SDK1: variants seen among roughly 807,000 people sequenced by gnomAD.
SDK1 encodes protein sidekick-1.
Under a neutral mutation model 245.5 loss-of-function variants are expected in SDK1, and 157 were observed. The ratio of observed to expected loss-of-function variants is 0.64; its 90% CI spans 0.56 to 0.73. The LOEUF (loss-of-function observed/expected upper bound fraction) is 0.73. Among genes scored for constraint, SDK1 ranks in the 30% least tolerant of loss-of-function variants. The pLI, the probability that SDK1 is intolerant of heterozygous loss-of-function variation, is 0.00. For missense variants in SDK1, 3,583 were observed against 3,002.3 expected, an observed-to-expected ratio of 1.19 and a Z score of -4.52; for synonymous variants, 1,647 against 1,278.5, an observed-to-expected ratio of 1.29 and a Z score of -6.15.
chr7:3,918,921 T>C (rs1329039810), intron 5 of SDK1, among the ~76,000 whole-genome samples: 2 of 152,256 alleles, frequency 1.3e-5, no homozygotes, highest in Non-Finnish European at 2.9e-5. Context: ...ATTTCACTGC[T>C]TTTCAGATTG....
intron 22 of SDK1, among the ~76,000 whole-genome samples, chr7:4,110,121 A>G (rs1354041782): frequency 6.6e-6 from 1 of 152,168 alleles, no homozygotes; most frequent in Non-Finnish European, 1.5e-5. Context: ...CCAGGGCAGA[A>G]GACTCATCCT....
At chr7:3,829,806 A>C (rs1779870147) in intron 5 of SDK1, among the ~76,000 whole-genome samples, 1 of 152,192 alleles carries the variant, frequency 6.6e-6, no homozygotes, top group South Asian at 2.1e-4. Flanking sequence ...CTCCCGATCA[A>C]CATTCATTCC....
In SDK1 at chr7:3,469,891, C is replaced by T. The variant is rs117659519; in HGVS notation, c.299-149189C>T. On this transcript the variant is annotated intron_variant, in intron 1 of 44. Transcript: ENST00000404826. ...AAGTGTTTCTCTGAATTAAGACATA[C>T]GAAAATAAGTATGCTAGTCAATGGT... Among the ~76,000 whole-genome samples, 408 of 152,194 alleles carry T rather than the reference C, an allele frequency of 2.7e-3. 1 individual carries two copies. Among genetic ancestry groups the T allele is most frequent in the Middle Eastern group, 0.017 (5 of 294 alleles).
intron 1 of SDK1, among the ~76,000 whole-genome samples, chr7:3,466,307 G>C (rs985995648): frequency 6.6e-6 from 1 of 151,538 alleles, no homozygotes; most frequent in East Asian, 1.9e-4. Flanking sequence ...TCACAAGTGA[G>C]ATGTTCCATC....
At chr7:4,132,600 A>T in intron 28 of SDK1, 177 bp downstream of exon 28, 1 of 535,816 alleles carries the variant, frequency 1.9e-6, no homozygotes. Context: ...GATGGCATGC[A>T]CCTGTTGGTC....
At chr7:4,225,055 C>T (rs1412974506) in intron 40 of SDK1, among the ~76,000 whole-genome samples, 3 of 134,496 alleles carry the variant, frequency 2.2e-5, no homozygotes, top group Admixed American at 7.6e-5. Flanking sequence ...GGCCTGGCTA[C>T]GAAACTTCCT....
chr7:3,369,939 A>G (rs1781182032), intron 1 of SDK1, among the ~76,000 whole-genome samples: 1 of 152,218 alleles, frequency 6.6e-6, no homozygotes, highest in Non-Finnish European at 1.5e-5. Flanking sequence ...TGCCCTAGGC[A>G]CAGGCAGCCT....
intron 4 of SDK1, among the ~76,000 whole-genome samples, chr7:3,793,111 T>C (rs1237622300): frequency 1.3e-5 from 2 of 152,298 alleles, no homozygotes; most frequent in East Asian, 3.9e-4. Context: ...AGAAGAGTGA[T>C]GTGCTGTTAT....
intron 1 of SDK1, among the ~76,000 whole-genome samples, chr7:3,378,283 G>C (rs1242444780): frequency 6.6e-6 from 1 of 152,158 alleles, no homozygotes; most frequent in Non-Finnish European, 1.5e-5. Flanking sequence ...TATATGGTCT[G>C]CTGATGGCAC....
intron 14 of SDK1, among the ~76,000 whole-genome samples, chr7:4,003,462 G>A (rs897268771): frequency 2.0e-5 from 3 of 152,274 alleles, no homozygotes; most frequent in Admixed American, 6.5e-5. Flanking sequence ...TCCGAGCTCC[G>A]CAGTCTCTCC....
intron 4 of SDK1, among the ~76,000 whole-genome samples, chr7:3,679,229 G>C (rs1784019723): frequency 6.6e-6 from 1 of 152,204 alleles, no homozygotes; most frequent in Non-Finnish European, 1.5e-5. Context: ...TCTGAAATCT[G>C]TGAAGAACTC....
At chr7:3,573,724 G>C (rs1025371510) in intron 1 of SDK1, among the ~76,000 whole-genome samples, 2 of 152,000 alleles carry the variant, frequency 1.3e-5, no homozygotes, top group Non-Finnish European at 2.9e-5. Flanking sequence ...GAGGCTTTCT[G>C]GGAGCCAGGC....
chr7:3,858,816 A>G (rs887181939), intron 5 of SDK1, among the ~76,000 whole-genome samples: 1 of 150,968 alleles, frequency 6.6e-6, no homozygotes, highest in South Asian at 2.1e-4. Flanking sequence ...TATCTAGTAT[A>G]ACAGTTGTCC....
chr7:3,511,683 A>T (rs747385131), intron 1 of SDK1, among the ~76,000 whole-genome samples: 1 of 152,110 alleles, frequency 6.6e-6, no homozygotes, highest in African/African-American at 2.4e-5. Context: ...CTTTATTATG[A>T]AAATAAGTCA....
intron 22 of SDK1, among the ~76,000 whole-genome samples, chr7:4,098,412 C>T (rs1206328104): frequency 1.3e-5 from 2 of 152,252 alleles, no homozygotes; most frequent in East Asian, 3.9e-4. Flanking sequence ...CATCCTAATT[C>T]TCTTGTTGGA....
chr7:3,450,167 A>T (rs964550713), intron 1 of SDK1, among the ~76,000 whole-genome samples: 1 of 152,236 alleles, frequency 6.6e-6, no homozygotes, highest in Non-Finnish European at 1.5e-5. Context: ...TAATTGGATC[A>T]TATGTATGTG....
chr7:3,441,457 T>G (rs1052134635), intron 1 of SDK1, among the ~76,000 whole-genome samples: 8 of 152,238 alleles, frequency 5.3e-5, no homozygotes, highest in African/African-American at 1.9e-4. Context: ...CAGCACCATT[T>G]GTTGAAAAGG....
Position 3,601,801 on chromosome 7 carries a change from A to G in SDK1, c.299-17279A>G, listed in dbSNP as rs565292734. Among the ~76,000 whole-genome samples, 340 of 149,546 alleles carry G rather than the reference A, an allele frequency of 2.3e-3. 2 individuals are homozygous for G. The highest frequency in any genetic ancestry group is 0.016 in the South Asian group (70 of 4,476). On this transcript the variant is annotated intron_variant, in intron 1 of 44. Coordinates refer to ENST00000404826, the MANE Select transcript of SDK1 (RefSeq NM_152744.4). The stretch of plus-strand genomic sequence containing the variant: ...ATTAACTCGTCATTTAGCATTAGGT[A>G]TATCTCCTAATGCTATCCCTCCCCC...
intron 19 of SDK1, among the ~76,000 whole-genome samples, chr7:4,065,225 C>T (rs1426429983): frequency 6.6e-6 from 1 of 152,302 alleles, no homozygotes; most frequent in Non-Finnish European, 1.5e-5. Flanking sequence ...AAGAAAGCTT[C>T]AGACTCTCGG....
Sources: gnomAD v4.1 joint callset for allele counts (sites outside exome capture counted in the v4.1 genomes callset) on GRCh38, gnomAD v4.1.1 for gene constraint, MANE v1.5 for transcripts, NCBI Gene and HGNC (gene_info 2026-07-23, HGNC 2026-07-21) for gene names.